PLB1: variants seen among roughly 807,000 people sequenced by gnomAD.
PLB1 encodes the protein phospholipase B1, membrane-associated.
A neutral mutation model predicts 227.4 loss-of-function variants in PLB1; 242 were observed. That is an observed-to-expected ratio of 1.06 (90% CI 0.96 to 1.18). The LOEUF is 1.18. Ranked by LOEUF, PLB1 falls within the 50% of genes most tolerant of loss-of-function variation. The pLI, the probability that PLB1 is intolerant of heterozygous loss-of-function variation, is 0.00. For missense variants in PLB1, 1,858 were observed against 1,816.3 expected (o/e 1.02, Z -0.42); for synonymous variants, 757 against 682.2 (o/e 1.11, Z -1.71).
intron 1 of PLB1, among the ~76,000 whole-genome samples, chr2:28,512,349 G>T (rs1282712255): frequency 2.0e-5 from 3 of 151,842 alleles, no homozygotes; most frequent in East Asian, 1.9e-4. Flanking sequence ...TCTATTTGTT[G>T]TCATTGTCTT....
chr2:28,567,469 C>CTTTTTTTTTTTTTTTT (rs57787583), intron 20 of PLB1, among the ~76,000 whole-genome samples: 1 of 108,090 alleles, frequency 9.3e-6, no homozygotes, highest in African/African-American at 4.0e-5. Context: ...ATTTCTTTCT[C>CTTTTTTTTTTTTTTTT]TTTTTTTTTT....
intron 4 of PLB1, among the ~76,000 whole-genome samples, chr2:28,520,492 T>C (rs1264063558): frequency 1.3e-5 from 2 of 152,260 alleles, no homozygotes; most frequent in African/African-American, 4.8e-5. Context: ...ATTTACCATC[T>C]GTAAGTGTAT....
chr2:28,573,609 C>T (rs1290818051), intron 21 of PLB1, among the ~76,000 whole-genome samples: 1 of 152,244 alleles, frequency 6.6e-6, no homozygotes, highest in African/African-American at 2.4e-5. Flanking sequence ...CTCTGCGTCC[C>T]AGTTGTCACT....
At position 28,520,147 on chromosome 2, in the gene PLB1, C is replaced by T. The variant is rs7597835; in HGVS notation, c.243+384C>T. On this transcript the variant is annotated intron_variant, in intron 4 of 57. Transcript: ENST00000327757. ...TTCTCCATGTTGGTCAGGCTAGTCT[C>T]GAACTCCTGACCTCAGGTAATCTGC... Among the ~76,000 whole-genome samples the T allele has an allele frequency of 7.9e-3, 1,198 of 151,804 alleles. 10 individuals carry two copies. Among genetic ancestry groups the T allele is most frequent in the African/African-American group, 0.027 (1,116 of 41,336 alleles).
intron 9 of PLB1, among the ~76,000 whole-genome samples, chr2:28,537,956 A>T (rs974398931): frequency 5.9e-5 from 9 of 152,308 alleles, no homozygotes; most frequent in Non-Finnish European, 8.8e-5. Flanking sequence ...TTCTTTGGGA[A>T]AAAGCGATTC....
chr2:28,532,178 G>T lies in PLB1; in HGVS notation c.539G>T (p.Cys180Phe). ...FFSNASQCYL[C>F]PSAQQNGLAA... Reference sequence around the variant, plus strand: ...AGTAATGCAAGCCAGTGTTACCTGTGCCCCTCTGCTCAACAGGTAAATGGC... The same window carrying T: ...AGTAATGCAAGCCAGTGTTACCTGTTCCCCTCTGCTCAACAGGTAAATGGC... Residue 180 changes from cysteine to phenylalanine, a missense_variant, in exon 9 of 58, where the codon TGC becomes TTC. Cys to Phe is a radical substitution (Grantham distance 205). Coordinates refer to ENST00000327757, the MANE Select transcript of PLB1 (RefSeq NM_153021.5). The T allele has an allele frequency of 1.2e-6, 2 of 1,612,264 alleles. No individual in the cohort carries two copies. Among genetic ancestry groups the T allele is most frequent in the Non-Finnish European group, 1.7e-6 (2 of 1,178,968 alleles).
At chr2:28,558,154 C>CTG (rs1675442532) in intron 17 of PLB1, among the ~76,000 whole-genome samples, 2 of 84,210 alleles carry the variant, frequency 2.4e-5, no homozygotes, top group South Asian at 1.0e-3. Flanking sequence ...GTGTGTGTGT[C>CTG]TCTGTGTGTG....
intron 33 of PLB1, among the ~76,000 whole-genome samples, chr2:28,596,919 C>T (rs1438244935): frequency 3.9e-5 from 6 of 152,202 alleles, no homozygotes; most frequent in African/African-American, 1.4e-4. Flanking sequence ...CATGGCCTGT[C>T]CCTTAGAAGT....
chr2:28,603,724 T>C (rs1684246828), intron 39 of PLB1, among the ~76,000 whole-genome samples: 1 of 152,224 alleles, frequency 6.6e-6, no homozygotes, highest in Non-Finnish European at 1.5e-5. Flanking sequence ...CCAACACTTG[T>C]GCTCTGTTGG....
intron 53 of PLB1, among the ~76,000 whole-genome samples, chr2:28,630,245 C>G (rs1177680058): frequency 6.6e-6 from 1 of 152,152 alleles, no homozygotes; most frequent in Non-Finnish European, 1.5e-5. Flanking sequence ...TCTACCCAGT[C>G]CTGCTCTGGA....
At position 28,604,096 on chromosome 2, in the gene PLB1, C is replaced by G. The variant is rs1215126449; in HGVS notation, c.2856+49C>G. 3.9e-6 allele frequency: 6 copies of G among 1,519,282 alleles called. No individual in the cohort carries two copies. In the South Asian group the frequency reaches 6.7e-5, roughly 17 times the overall value. 94.1% of individuals were successfully genotyped at this position (1,519,282 alleles called of 1,614,324 possible). ...CTGTGTCCTCTCCCCTACGTTCACT[C>G]TAACACACAGCCCAGAGCCCCTAGA... is the stretch of plus-strand genomic sequence containing the variant. On this transcript the variant is annotated intron_variant, in intron 40 of 57. Transcript: ENST00000327757.
chr2:28,521,302 A>C (rs774551075), intron 4 of PLB1, among the ~76,000 whole-genome samples: 10 of 152,166 alleles, frequency 6.6e-5, no homozygotes, highest in Non-Finnish European at 1.5e-4. Context: ...CAGACGTGGG[A>C]TTGCTGGACC....
intron 1 of PLB1, among the ~76,000 whole-genome samples, chr2:28,507,164 T>C (rs1314091719): frequency 2.0e-5 from 3 of 152,190 alleles, no homozygotes; most frequent in Admixed American, 6.5e-5. Flanking sequence ...GAACCTGCCA[T>C]CGTCAAGGTC....
intron 43 of PLB1, among the ~76,000 whole-genome samples, chr2:28,611,217 C>G (rs990881366): frequency 3.9e-5 from 6 of 152,236 alleles, no homozygotes; most frequent in African/African-American, 1.2e-4. Context: ...ATTCTAGTGT[C>G]TCCTTGACCT....
In PLB1 at chr2:28,634,923, GA is replaced by G. The variant is rs369191544; in HGVS notation, c.4098+1894del. ...GAGACCCTATCTCAAAAAACAAATA[GA>G]AAAAAAAAATATATGTAGCTCTGGC... On this transcript the variant is annotated intron_variant, in intron 56 of 57. Coordinates refer to ENST00000327757, the MANE Select transcript of PLB1 (RefSeq NM_153021.5). Among the ~76,000 whole-genome samples the G allele has an allele frequency of 6.4e-3, 948 of 148,900 alleles. 13 individuals are homozygous for G. The highest frequency in any genetic ancestry group is 0.021 in the African/African-American group (861 of 40,544).
chr2:28,600,863 G>A lies in PLB1; in HGVS notation c.2526+3G>A. On this transcript the variant is annotated splice_donor_region_variant and intron_variant, in intron 36 of 57. Transcript: ENST00000327757. ...TGCAGAAGATGAAAGATGATCATGT[G>A]AGTCAGATTTACTGTTATTTCTAAA... is the stretch of plus-strand genomic sequence containing the variant. 5.0e-6 allele frequency: 8 copies of A among 1,608,608 alleles called. No homozygotes were observed. The highest frequency in any genetic ancestry group is 6.8e-6 in the Non-Finnish European group (8 of 1,175,002).
At position 28,566,947 on chromosome 2, in the gene PLB1, C is replaced by G. The variant is rs1055873688; in HGVS notation, c.1324+108C>G. ...TCGGGAGGAGCCCCGGCTGCAGGAGCCCGCTAAATTCACCAGGGGGCGCTG... is the reference window on the plus strand; with the variant it reads ...TCGGGAGGAGCCCCGGCTGCAGGAGGCCGCTAAATTCACCAGGGGGCGCTG... On this transcript the variant is annotated intron_variant, in intron 20 of 57. Transcript: ENST00000327757. 6 of 1,316,378 alleles carry G rather than the reference C, an allele frequency of 4.6e-6. No homozygotes were observed. In the Admixed American group the frequency reaches 1.0e-4, roughly 23 times the overall value. The allele number at this position is 1,316,378 out of a possible 1,614,324, so 81.5% of individuals were successfully genotyped here. A position where few individuals can be genotyped will look rare whatever the true frequency, so the allele number is the denominator to read the frequency against.
At chr2:28,578,277 A>G in intron 22 of PLB1, 119 bp downstream of exon 22, 1 of 896,386 alleles carries the variant, frequency 1.1e-6, no homozygotes, top group Non-Finnish European at 1.8e-6. Flanking sequence ...TCTGAAGCCT[A>G]AAACACTGCT....
chr2:28,626,634 C>T (rs569940024), intron 51 of PLB1, 126 bp downstream of exon 51: 8 of 821,052 alleles, frequency 9.7e-6, no homozygotes, highest in Admixed American at 6.5e-5. Context: ...TTGCCTGCTG[C>T]CCCAGGCCCT....
Sources: allele counts gnomAD v4.1 joint callset (sites outside exome capture counted in the v4.1 genomes callset), GRCh38; gene constraint gnomAD v4.1.1; transcripts MANE v1.5; gene names NCBI Gene and HGNC (gene_info 2026-07-23, HGNC 2026-07-21).